Variants in HLCS observed in about 807,000 individuals in gnomAD.
HLCS encodes biotin--protein ligase.
A neutral mutation model predicts 75.0 loss-of-function variants in HLCS; 53 were observed. The ratio of observed to expected loss-of-function variants is 0.71; its 90% CI spans 0.57 to 0.89. HLCS has a LOEUF of 0.89. Among genes scored for constraint, HLCS ranks in the 40% least tolerant of loss-of-function variants. The probability of loss-of-function intolerance (pLI) is 0.00; values close to 1 mark genes in which losing one functional copy is unlikely to be tolerated. For missense variants in HLCS, 966 were observed against 1,074.0 expected, an observed-to-expected ratio of 0.90 and a Z score of 1.41; for synonymous variants, 431 against 428.6, an observed-to-expected ratio of 1.01 and a Z score of -0.07.
chr21:36,971,082 C>T (rs1334659609), upstream of HLCS, among the ~76,000 whole-genome samples: 4 of 151,314 alleles, frequency 2.6e-5, no homozygotes, highest in South Asian at 4.2e-4. Flanking sequence ...TTGGAACAAT[C>T]GTCAAATCAA....
chr21:36,838,745 G>GAC (rs142586478), intron 6 of HLCS, among the ~76,000 whole-genome samples: 2,414 of 148,492 alleles, frequency 0.016, 63 homozygotes, highest in African/African-American at 0.054. Flanking sequence ...AAAAGGAGAA[G>GAC]ACACACACAC....
chr21:36,765,698 G>A (rs1168740664), intron 7 of HLCS, among the ~76,000 whole-genome samples: 4 of 152,148 alleles, frequency 2.6e-5, no homozygotes, highest in Non-Finnish European at 5.9e-5. Context: ...CCAGGTTGGA[G>A]TGCAGTGCGT....
chr21:36,946,521 T>A (rs2067404725), intron 2 of HLCS, among the ~76,000 whole-genome samples: 1 of 152,080 alleles, frequency 6.6e-6, no homozygotes. Context: ...GGATTACAGG[T>A]GTGAGCCACC....
chr21:36,954,506 C>T (rs1025048037), intron 2 of HLCS, among the ~76,000 whole-genome samples: 8 of 151,406 alleles, frequency 5.3e-5, no homozygotes, highest in Non-Finnish European at 7.4e-5. Context: ...GTCCCAGCTA[C>T]TTGGGAGGCT....
chr21:36,966,848 T>C (rs1601914043), upstream of HLCS, among the ~76,000 whole-genome samples: 2 of 128,104 alleles, frequency 1.6e-5, no homozygotes, highest in East Asian at 4.9e-4. Flanking sequence ...CGCCCGGCTG[T>C]GTGATGGGGA....
intron 6 of HLCS, among the ~76,000 whole-genome samples, chr21:36,846,356 CAATA>C (rs2062799350): frequency 1.3e-5 from 2 of 152,192 alleles, no homozygotes; most frequent in Admixed American, 1.3e-4. Context: ...ATTAGGCACT[CAATA>C]AATGTCGAGG....
At chr21:36,899,376 C>A (rs1410607906) in intron 5 of HLCS, among the ~76,000 whole-genome samples, 2 of 152,106 alleles carry the variant, frequency 1.3e-5, no homozygotes, top group African/African-American at 4.8e-5. Flanking sequence ...GTAATCCCAA[C>A]ACTTTGGGAG....
intron 1 of HLCS, among the ~76,000 whole-genome samples, 152 bp downstream of exon 1, chr21:36,966,292 G>A (rs1473736208): frequency 6.6e-6 from 1 of 152,240 alleles, no homozygotes; most frequent in Admixed American, 6.5e-5. Flanking sequence ...TCTGGGCCCC[G>A]GGGCAACAGC....
intron 5 of HLCS, among the ~76,000 whole-genome samples, chr21:36,907,651 C>CA (rs1020865573): frequency 1.4e-4 from 21 of 147,118 alleles, no homozygotes; most frequent in South Asian, 6.4e-4. Flanking sequence ...GACTCCATCT[C>CA]AAAAAAAAAG....
At chr21:36,940,054 C>CATAA (rs2067073125) in intron 2 of HLCS, among the ~76,000 whole-genome samples, 1 of 152,102 alleles carries the variant, frequency 6.6e-6, no homozygotes, top group South Asian at 2.1e-4. Context: ...ATCTCAAAAA[C>CATAA]ATAAATAAAT....
chr21:36,765,395 G>A (rs1396806919), intron 7 of HLCS, among the ~76,000 whole-genome samples: 1 of 152,224 alleles, frequency 6.6e-6, no homozygotes, highest in East Asian at 1.9e-4. Context: ...TTCTGCTTCT[G>A]TGAGCATATC....
At chr21:36,827,045 G>A (rs1204501243) in intron 6 of HLCS, among the ~76,000 whole-genome samples, 1 of 152,122 alleles carries the variant, frequency 6.6e-6, no homozygotes, top group African/African-American at 2.4e-5. Context: ...GACCTGTGGC[G>A]GGGAGGGTCA....
chr21:36,936,473 G>A lies in HLCS; in HGVS notation c.1413C>T (p.Arg471=), dbSNP rs533602689. 2.4e-5 allele frequency: 39 copies of A among 1,613,962 alleles called. No individual in the cohort carries two copies. The highest frequency in any genetic ancestry group is 2.2e-4 in the Admixed American group (13 of 60,006). ...CCTGGCAAAGAACAGCTTCTCCCCC[G>A]CGAGTTCCAAAAGGCACATGCACAA... ...RMIVHVPFGT[R]GGEAVLCQVH... The change falls in exon 4 of 11, where the codon CGC becomes CGT. Residue 471 remains arginine (R), a synonymous_variant. Transcript: ENST00000674895.
intron 6 of HLCS, among the ~76,000 whole-genome samples, chr21:36,816,240 A>T (rs1270587865): frequency 6.6e-6 from 1 of 152,096 alleles, no homozygotes; most frequent in African/African-American, 2.4e-5. Context: ...AAAAAATTTT[A>T]AAAATTAGCC....
chr21:36,969,835 C>G (rs1023343963), upstream of HLCS, among the ~76,000 whole-genome samples: 1 of 151,990 alleles, frequency 6.6e-6, no homozygotes, highest in East Asian at 1.9e-4. Flanking sequence ...AGCCTCCCAA[C>G]GTGCTGGGAT....
At chr21:36,970,731 G>A (rs934792513), upstream of HLCS, among the ~76,000 whole-genome samples, 1 of 151,878 alleles carries the variant, frequency 6.6e-6, no homozygotes, top group African/African-American at 2.4e-5. Context: ...AGTGGCTCAC[G>A]CCTATAATCC....
At chr21:36,835,462 C>T (rs938121281) in intron 6 of HLCS, among the ~76,000 whole-genome samples, 20 of 152,322 alleles carry the variant, frequency 1.3e-4, no homozygotes, top group Middle Eastern at 3.4e-3. Flanking sequence ...GTCATAATTT[C>T]TCTAGATCAC....
intron 6 of HLCS, among the ~76,000 whole-genome samples, chr21:36,857,503 G>T (rs73212696): frequency 0.044 from 6,739 of 152,270 alleles, 215 homozygotes; most frequent in Non-Finnish European, 0.069. Context: ...AGGAAGTCCA[G>T]CTAGGTTACC....
At chr21:36,945,265 C>T (rs1394769011) in intron 2 of HLCS, among the ~76,000 whole-genome samples, 1 of 151,648 alleles carries the variant, frequency 6.6e-6, no homozygotes, top group Non-Finnish European at 1.5e-5. Context: ...TGTTGTACCC[C>T]ATAAATATAT....
Sources: gnomAD v4.1 joint callset for allele counts (sites outside exome capture counted in the v4.1 genomes callset) on GRCh38, gnomAD v4.1.1 for gene constraint, MANE v1.5 for transcripts, NCBI Gene and HGNC (gene_info 2026-07-23, HGNC 2026-07-21) for gene names.